NLGN1: variants seen among roughly 807,000 people sequenced by gnomAD.
NLGN1 encodes the protein neuroligin-1.
NLGN1 carries 12 observed loss-of-function variants against 65.5 expected under a neutral mutation model. That is an observed-to-expected ratio of 0.18 (90% CI 0.12 to 0.30). The LOEUF (loss-of-function observed/expected upper bound fraction) is 0.30. NLGN1 is among the 10% of genes least tolerant of loss of function. NLGN1 has a pLI of 1.00. For synonymous variants in NLGN1, 350 were observed against 359.5 expected (o/e 0.97, Z 0.30); for missense variants, 750 against 1,007.1 (o/e 0.74, Z 3.46).
intron 2 of NLGN1, among the ~76,000 whole-genome samples, chr3:173,482,609 G>T (rs1018140974): frequency 2.1e-4 from 32 of 151,640 alleles, no homozygotes; most frequent in African/African-American, 7.5e-4. Flanking sequence ...TTAATTTTTT[G>T]AACATTTCTC....
chr3:173,887,457 A>C (rs1311665756), intron 4 of NLGN1, among the ~76,000 whole-genome samples: 1 of 152,014 alleles, frequency 6.6e-6, no homozygotes, highest in East Asian at 1.9e-4. Context: ...TTTTTCTAAA[A>C]CATCAAAAAA....
intron 4 of NLGN1, among the ~76,000 whole-genome samples, chr3:173,826,620 C>A (rs768688514): frequency 2.6e-5 from 4 of 151,842 alleles, no homozygotes; most frequent in Non-Finnish European, 4.4e-5. Flanking sequence ...GGGCTTCTGC[C>A]GAGGGTGTTA....
chr3:174,204,854 T>G (rs1735114980), intron 4 of NLGN1, among the ~76,000 whole-genome samples: 1 of 152,168 alleles, frequency 6.6e-6, no homozygotes, highest in Admixed American at 6.5e-5. Context: ...AACAGGTTTT[T>G]TTTTTAGATG....
chr3:173,751,583 A>G (rs1233470746), intron 3 of NLGN1, among the ~76,000 whole-genome samples: 2 of 152,094 alleles, frequency 1.3e-5, no homozygotes, highest in African/African-American at 4.8e-5. Context: ...TGTTATGCTA[A>G]TAATCAGACA....
At chr3:174,037,650 T>A (rs1385181161) in intron 4 of NLGN1, among the ~76,000 whole-genome samples, 1 of 152,220 alleles carries the variant, frequency 6.6e-6, no homozygotes, top group Non-Finnish European at 1.5e-5. Context: ...TAGCTAAGGC[T>A]GATAGTTAAG....
At chr3:174,172,258 A>C (rs2152735173) in intron 4 of NLGN1, among the ~76,000 whole-genome samples, 1 of 152,206 alleles carries the variant, frequency 6.6e-6, no homozygotes. Context: ...TGAATGGGGT[A>C]TCCATCACTT....
In NLGN1 at chr3:173,860,842, G is replaced by A. The variant is rs151013989; in HGVS notation, c.646+53010G>A. 6.6e-5 allele frequency among the ~76,000 whole-genome samples: 10 copies of A among 150,846 alleles called. No individual in the cohort carries two copies. In the East Asian group the frequency reaches 1.7e-3, roughly 26 times the overall value. On this transcript the variant is annotated intron_variant, in intron 4 of 6. Coordinates refer to ENST00000457714, the Ensembl canonical transcript of NLGN1. ...GCTTTCTCTATGTCAAAATATGAAGGGGGGGTTACCTGCTCATGTGACCTG... is the reference window on the plus strand; with the variant it reads ...GCTTTCTCTATGTCAAAATATGAAGAGGGGGTTACCTGCTCATGTGACCTG...
intron 4 of NLGN1, among the ~76,000 whole-genome samples, chr3:174,072,000 A>C (rs1234673603): frequency 2.6e-5 from 4 of 152,198 alleles, no homozygotes; most frequent in Non-Finnish European, 5.9e-5. Flanking sequence ...AGAGATTAGA[A>C]GGCGCCTCAT....
At position 174,239,214 on chromosome 3, in the gene NLGN1, A is replaced by G. The variant is rs553069579; in HGVS notation, c.647-36101A>G. 1.1e-3 allele frequency among the ~76,000 whole-genome samples: 170 copies of G among 152,166 alleles called. 1 individual carries two copies. Among genetic ancestry groups the G allele is most frequent in the African/African-American group, 3.8e-3 (158 of 41,536 alleles). On this transcript the variant is annotated intron_variant, in intron 4 of 6. Coordinates refer to ENST00000457714, the Ensembl canonical transcript of NLGN1. ...CTCCCAAGTAGCTGGGATTACAAGC[A>G]TGCGCCACCACACTCGGCTAACTTT...
At chr3:173,495,301 T>A (rs1729821212) in intron 2 of NLGN1, among the ~76,000 whole-genome samples, 1 of 151,770 alleles carries the variant, frequency 6.6e-6, no homozygotes, top group South Asian at 2.1e-4. Context: ...TCTCCTGGTA[T>A]ATAAAATATA....
At chr3:173,656,403 A>G (rs944220888) in intron 3 of NLGN1, among the ~76,000 whole-genome samples, 1 of 151,972 alleles carries the variant, frequency 6.6e-6, no homozygotes, top group African/African-American at 2.4e-5. Flanking sequence ...CAGAAATAAT[A>G]CTCTCTACAG....
At chr3:173,413,889 A>C (rs1357391184) in intron 1 of NLGN1, among the ~76,000 whole-genome samples, 1 of 152,204 alleles carries the variant, frequency 6.6e-6, no homozygotes, top group African/African-American at 2.4e-5. Flanking sequence ...AGGAAGCAGC[A>C]GTGGTTGTGG....
intron 1 of NLGN1, among the ~76,000 whole-genome samples, chr3:173,403,146 A>G (rs1456196261): frequency 1.3e-5 from 2 of 152,178 alleles, no homozygotes; most frequent in Admixed American, 1.3e-4. Flanking sequence ...CTGATGTAGA[A>G]TGCATACTTT....
intron 2 of NLGN1, among the ~76,000 whole-genome samples, chr3:173,470,572 CTCTTT>C (rs1162350129): frequency 6.6e-6 from 1 of 152,060 alleles, no homozygotes; most frequent in Non-Finnish European, 1.5e-5. Flanking sequence ...CAATTTTCTT[CTCTTT>C]TCTTCTGTTT....
At chr3:173,413,257 T>A (rs1210874162) in intron 1 of NLGN1, among the ~76,000 whole-genome samples, 1 of 152,118 alleles carries the variant, frequency 6.6e-6, no homozygotes, top group Admixed American at 6.6e-5. Context: ...AGTTCATATA[T>A]TTTTTGTTTT....
chr3:173,777,557 A>G (rs1359691792), intron 3 of NLGN1, among the ~76,000 whole-genome samples: 1 of 151,870 alleles, frequency 6.6e-6, no homozygotes, highest in African/African-American at 2.4e-5. Flanking sequence ...TATGCAATAC[A>G]TTATTATTAA....
intron 2 of NLGN1, among the ~76,000 whole-genome samples, chr3:173,527,785 G>A (rs902047179): frequency 6.6e-6 from 1 of 152,124 alleles, no homozygotes; most frequent in African/African-American, 2.4e-5. Flanking sequence ...CTGTTACATG[G>A]GTAGTTTCCT....
chr3:173,481,456 A>T (rs1410695388), intron 2 of NLGN1, among the ~76,000 whole-genome samples: 2 of 151,960 alleles, frequency 1.3e-5, no homozygotes, highest in African/African-American at 4.8e-5. Flanking sequence ...AATTTGGATC[A>T]AGTATTAAAT....
intron 4 of NLGN1, among the ~76,000 whole-genome samples, chr3:173,837,565 A>G (rs1373053519): frequency 3.9e-5 from 6 of 152,320 alleles, no homozygotes; most frequent in Non-Finnish European, 7.4e-5. Context: ...GCTGTCACCT[A>G]AAGTAGACTC....
Sources: gnomAD v4.1 joint callset for allele counts (sites outside exome capture counted in the v4.1 genomes callset) on GRCh38, gnomAD v4.1.1 for gene constraint, MANE v1.5 for transcripts, NCBI Gene and HGNC (gene_info 2026-07-23, HGNC 2026-07-21) for gene names.